Variants in LIMS1 observed in about 807,000 individuals in gnomAD.
LIMS1 encodes LIM and senescent cell antigen-like-containing domain protein 1.
A neutral mutation model predicts 44.1 loss-of-function variants in LIMS1; 18 were observed. The ratio of observed to expected loss-of-function variants is 0.41; its 90% CI spans 0.28 to 0.61. The LOEUF (loss-of-function observed/expected upper bound fraction) is 0.61. Ranked by LOEUF, LIMS1 falls within the 20% of genes least tolerant of loss-of-function variation. The pLI is 0.32. For missense variants in LIMS1, 201 were observed against 422.0 expected, an observed-to-expected ratio of 0.48 and a Z score of 4.59; for synonymous variants, 93 against 149.1, an observed-to-expected ratio of 0.62 and a Z score of 2.74.
chr2:108,552,851 T>G (rs1220290124), intron 1 of LIMS1, among the ~76,000 whole-genome samples: 1 of 152,066 alleles, frequency 6.6e-6, no homozygotes, highest in Non-Finnish European at 1.5e-5. Context: ...GTGCTGGAAT[T>G]ACAGACATGA....
intron 1 of LIMS1, among the ~76,000 whole-genome samples, chr2:108,586,365 G>C (rs1314348962): frequency 6.6e-6 from 1 of 152,212 alleles, no homozygotes; most frequent in Non-Finnish European, 1.5e-5. Flanking sequence ...GAAAGTGGCT[G>C]TCTGGATGTG....
chr2:108,580,648 T>C (rs1036250840), intron 1 of LIMS1, among the ~76,000 whole-genome samples: 1 of 151,988 alleles, frequency 6.6e-6, no homozygotes, highest in African/African-American at 2.4e-5. Context: ...AAGTAGTAAA[T>C]CGATTCAGAA....
At chr2:108,661,657 C>T (rs1341539924) in intron 2 of LIMS1, among the ~76,000 whole-genome samples, 1 of 152,144 alleles carries the variant, frequency 6.6e-6, no homozygotes, top group South Asian at 2.1e-4. Flanking sequence ...GGTGCTGCGG[C>T]AGCAAGAAGA....
chr2:108,613,714 C>T (rs1225917515), intron 1 of LIMS1, among the ~76,000 whole-genome samples: 1 of 152,130 alleles, frequency 6.6e-6, no homozygotes, highest in African/African-American at 2.4e-5. Flanking sequence ...GCCCTTGGCT[C>T]TCAGGGTGAA....
intron 1 of LIMS1, among the ~76,000 whole-genome samples, chr2:108,575,329 G>A (rs937157481): frequency 6.6e-6 from 1 of 152,164 alleles, no homozygotes; most frequent in African/African-American, 2.4e-5. Context: ...TCAAAAAAAT[G>A]CAAAAGAGTT....
chr2:108,561,182 A>T (rs1373304811), intron 1 of LIMS1, among the ~76,000 whole-genome samples: 1 of 152,116 alleles, frequency 6.6e-6, no homozygotes, highest in Admixed American at 6.6e-5. Flanking sequence ...TGTTTGAGAA[A>T]TCTCCAAACT....
intron 1 of LIMS1, among the ~76,000 whole-genome samples, chr2:108,589,183 T>A (rs1418482329): frequency 6.8e-6 from 1 of 146,060 alleles, no homozygotes; most frequent in Non-Finnish European, 1.5e-5. Context: ...AAACGCTGTT[T>A]AAAAAAAAAA....
intron 1 of LIMS1, among the ~76,000 whole-genome samples, chr2:108,630,898 A>G (rs554977725): frequency 6.6e-6 from 1 of 152,260 alleles, no homozygotes; most frequent in African/African-American, 2.4e-5. Flanking sequence ...GTGTTGGAAA[A>G]AAACAGTATT....
intron 1 of LIMS1, among the ~76,000 whole-genome samples, chr2:108,611,721 A>C (rs1232368239): frequency 2.0e-5 from 3 of 151,626 alleles, no homozygotes; most frequent in African/African-American, 4.8e-5. Flanking sequence ...CTCTACAAAA[A>C]TACAGAAATT....
intron 9 of LIMS1, among the ~76,000 whole-genome samples, chr2:108,681,911 C>T (rs951620182): frequency 6.6e-6 from 1 of 151,650 alleles, no homozygotes; most frequent in Non-Finnish European, 1.5e-5. Context: ...AAAAATCTTT[C>T]AGCATGTTTC....
chr2:108,609,058 G>A (rs1047314488), intron 1 of LIMS1, among the ~76,000 whole-genome samples: 3 of 152,174 alleles, frequency 2.0e-5, no homozygotes, highest in African/African-American at 7.2e-5. Context: ...TCTTTCTGAA[G>A]ACTTCTGTTT....
At chr2:108,585,818 C>G (rs1018550240) in intron 1 of LIMS1, among the ~76,000 whole-genome samples, 1 of 152,098 alleles carries the variant, frequency 6.6e-6, no homozygotes, top group South Asian at 2.1e-4. Context: ...CTGGATTTGG[C>G]TTTTAAGAGC....
At chr2:108,581,794 G>A (rs1388628563) in intron 1 of LIMS1, among the ~76,000 whole-genome samples, 1 of 152,004 alleles carries the variant, frequency 6.6e-6, no homozygotes, top group Non-Finnish European at 1.5e-5. Context: ...AAAATTACTC[G>A]GGAGTGGTGG....
chr2:108,566,182 CAA>C (rs1018313699), intron 1 of LIMS1, among the ~76,000 whole-genome samples: 1 of 152,148 alleles, frequency 6.6e-6, no homozygotes, highest in Admixed American at 6.5e-5. Flanking sequence ...TCCTCATCAG[CAA>C]AGTGGGGATT....
chr2:108,543,026 T>C lies in LIMS1; in HGVS notation c.32+8432T>C, dbSNP rs188261260. ...TACAATTTGTGTCCATTATATACACTGTACTATGCTATAGGGCATGGAGTA... is the reference window on the plus strand; with the variant it reads ...TACAATTTGTGTCCATTATATACACCGTACTATGCTATAGGGCATGGAGTA... On this transcript the variant is annotated intron_variant, in intron 1 of 9. Transcript: ENST00000544547. 2.0e-5 allele frequency among the ~76,000 whole-genome samples: 3 copies of C among 152,374 alleles called. No homozygotes were observed. In the East Asian group the frequency reaches 5.8e-4, roughly 29 times the overall value.
intron 1 of LIMS1, among the ~76,000 whole-genome samples, chr2:108,613,424 GGAGAAACGTTAGCA>G: frequency 6.6e-6 from 1 of 152,278 alleles, no homozygotes; most frequent in African/African-American, 2.4e-5. Flanking sequence ...AAGAATGTGG[GGAGAAACGTTAGCA>G]GTGTGGGTGC....
chr2:108,608,830 G>A (rs1188573378), intron 1 of LIMS1, among the ~76,000 whole-genome samples: 2 of 152,118 alleles, frequency 1.3e-5, no homozygotes, highest in Non-Finnish European at 2.9e-5. Flanking sequence ...CCGAGAAATA[G>A]GGATACCGCT....
chr2:108,593,232 G>T (rs1686497476), intron 1 of LIMS1, among the ~76,000 whole-genome samples: 1 of 144,678 alleles, frequency 6.9e-6, no homozygotes, highest in African/African-American at 2.8e-5. Flanking sequence ...TAGTCTCATG[G>T]TTTTTCTCTA....
intron 1 of LIMS1, among the ~76,000 whole-genome samples, chr2:108,591,881 G>A (rs746045913): frequency 3.4e-5 from 5 of 145,552 alleles, no homozygotes; most frequent in South Asian, 2.2e-4. Flanking sequence ...TGCAACCTCC[G>A]CCTCCCAGGT....
Sources: gnomAD v4.1 joint callset for allele counts (sites outside exome capture counted in the v4.1 genomes callset) on GRCh38, gnomAD v4.1.1 for gene constraint, MANE v1.5 for transcripts, NCBI Gene and HGNC (gene_info 2026-07-23, HGNC 2026-07-21) for gene names.